The following COL28A1 variants were observed in gnomAD, a reference collection of about 807,000 sequenced individuals.
COL28A1 encodes collagen type XXVIII alpha 1 chain, also known as collagen alpha-1(XXVIII) chain.
In COL28A1, 161 loss-of-function variants were observed where a neutral mutation model predicts 150.2. The ratio of observed to expected loss-of-function variants is 1.07; its 90% confidence interval spans 0.94 to 1.22. COL28A1 has a LOEUF of 1.22. Ranked by LOEUF, COL28A1 falls within the 50% of genes most tolerant of loss-of-function variation. The pLI, the probability that COL28A1 is intolerant of heterozygous loss-of-function variation, is 0.00. For synonymous variants in COL28A1, 552 were observed against 469.7 expected (o/e 1.18, Z -2.26); for missense variants, 1,617 against 1,388.3 (o/e 1.16, Z -2.62).
At chr7:7,412,795 T>C (rs1445095796) in intron 27 of COL28A1, among the ~76,000 whole-genome samples, 1 of 152,136 alleles carries the variant, frequency 6.6e-6, no homozygotes, top group African/African-American at 2.4e-5. Context: ...AGACATTTTA[T>C]ACAATTTTTT....
At position 7,373,420 on chromosome 7, in the gene COL28A1, G is replaced by T; in HGVS notation, c.2486C>A (p.Ala829Asp). The stretch of plus-strand genomic sequence containing the variant: ...TATGCGGGCCGTGGCAAGGTCCAGA[G>T]CAACCCGGTCAGCCATAGTCTTCAC... ...NFVKTMADRV[A>D]LDLATARIGI... is the part of the protein sequence containing the mutation. The change falls in exon 32 of 35, where the codon GCT (alanine) becomes GAT (aspartate). Residue 829 changes from alanine (A) to aspartate (D), a missense_variant. By Grantham distance (126) the Ala-to-Asp change is moderately radical (BLOSUM62 -2). Coordinates refer to ENST00000399429, the MANE Select transcript of COL28A1 (RefSeq NM_001037763.3). This position sits in a 1 kb window ranked among gnomAD's most constrained non-coding sequence, Gnocchi z 4.1. The T allele has an allele frequency of 6.2e-7, 1 of 1,614,156 alleles. No homozygotes were observed. Among genetic ancestry groups the T allele is most frequent in the Non-Finnish European group, 8.5e-7 (1 of 1,180,042 alleles).
intron 27 of COL28A1, among the ~76,000 whole-genome samples, chr7:7,400,975 G>GGTGCGTGT (rs1554264683): frequency 1.7e-5 from 2 of 119,074 alleles, no homozygotes; most frequent in African/African-American, 6.7e-5. Flanking sequence ...TGGGTATTTG[G>GGTGCGTGT]GTGTGTGTGT....
intron 3 of COL28A1, among the ~76,000 whole-genome samples, chr7:7,524,992 G>C (rs1276584279): frequency 2.0e-5 from 3 of 152,062 alleles, no homozygotes; most frequent in African/African-American, 7.2e-5. Flanking sequence ...ACTGTTCATA[G>C]CAATATGCAT....
intron 27 of COL28A1, among the ~76,000 whole-genome samples, chr7:7,397,823 C>G (rs981937406): frequency 2.0e-5 from 3 of 152,164 alleles, no homozygotes; most frequent in Non-Finnish European, 2.9e-5. Flanking sequence ...GTCCACCCAC[C>G]AGCCAAACAG....
upstream of COL28A1, among the ~76,000 whole-genome samples, chr7:7,540,556 T>C (rs1001386820): frequency 6.6e-6 from 1 of 152,248 alleles, no homozygotes; most frequent in Non-Finnish European, 1.5e-5. Flanking sequence ...GACTAAAATT[T>C]AGGTCTTTGT....
chr7:7,376,112 C>T (rs1248839882), intron 30 of COL28A1, among the ~76,000 whole-genome samples: 1 of 152,034 alleles, frequency 6.6e-6, no homozygotes, highest in African/African-American at 2.4e-5. Flanking sequence ...ATCAGAAGGG[C>T]CTGAAATGAG....
chr7:7,543,543 T>G, the COL28A1 span, among the ~76,000 whole-genome samples: 1 of 152,168 alleles, frequency 6.6e-6, no homozygotes, highest in Non-Finnish European at 1.5e-5. Context: ...AAAGTCCTAC[T>G]ATGTCAGATT....
chr7:7,449,189 T>G (rs77665547), intron 18 of COL28A1, among the ~76,000 whole-genome samples: 3,930 of 152,130 alleles, frequency 0.026, 143 homozygotes, highest in African/African-American at 0.082. Flanking sequence ...AGTTGAATGA[T>G]CATCATAAAA....
intron 17 of COL28A1, 111 bp downstream of exon 17, chr7:7,453,329 C>A: frequency 1.3e-6 from 1 of 749,562 alleles, no homozygotes; most frequent in Non-Finnish European, 2.4e-6. Context: ...AAGTAGAGAT[C>A]TCTGATTTTT....
At chr7:7,366,486 T>A (rs558970094) in intron 33 of COL28A1, among the ~76,000 whole-genome samples, 3 of 152,170 alleles carry the variant, frequency 2.0e-5, no homozygotes, top group Non-Finnish European at 4.4e-5. Context: ...TCCTCTTCCA[T>A]AACACAGGTG....
chr7:7,404,243 C>T (rs1013264277), intron 27 of COL28A1, among the ~76,000 whole-genome samples: 1 of 152,034 alleles, frequency 6.6e-6, no homozygotes, highest in Non-Finnish European at 1.5e-5. Context: ...AGGAGACACT[C>T]CTACCCCTCA....
chr7:7,506,668 A>G (rs1780827617), intron 10 of COL28A1, among the ~76,000 whole-genome samples: 1 of 152,262 alleles, frequency 6.6e-6, no homozygotes, highest in Non-Finnish European at 1.5e-5. Flanking sequence ...GTCTAACTTA[A>G]ATGCCTTAGA....
intron 16 of COL28A1, among the ~76,000 whole-genome samples, chr7:7,455,816 C>A (rs1474854530): frequency 6.6e-6 from 1 of 152,222 alleles, no homozygotes; most frequent in African/African-American, 2.4e-5. Flanking sequence ...TTAAAAGTCA[C>A]AGCATCAAGA....
intron 11 of COL28A1, among the ~76,000 whole-genome samples, chr7:7,504,895 G>A (rs78526679): frequency 6.6e-6 from 1 of 152,092 alleles, no homozygotes; most frequent in Admixed American, 6.5e-5. Flanking sequence ...AAATTGTGTG[G>A]TCTGTCAAAA....
chr7:7,473,522 G>A (rs1255290769), intron 15 of COL28A1, among the ~76,000 whole-genome samples: 2 of 151,962 alleles, frequency 1.3e-5, no homozygotes, highest in African/African-American at 2.4e-5. Flanking sequence ...CCATAATCAA[G>A]AAATCAAAAA....
intron 33 of COL28A1, among the ~76,000 whole-genome samples, chr7:7,366,422 T>C (rs1780935453): frequency 1.3e-5 from 2 of 152,194 alleles, no homozygotes; most frequent in African/African-American, 4.8e-5. Context: ...GACTTCCAGG[T>C]CTAGAATATT....
chr7:7,528,392 T>C (rs907014004), intron 3 of COL28A1, among the ~76,000 whole-genome samples: 1 of 152,200 alleles, frequency 6.6e-6, no homozygotes, highest in Admixed American at 6.5e-5. Flanking sequence ...AGTCATTAAG[T>C]CTCTTTTGAG....
chr7:7,478,133 C>G (rs1165264055), intron 13 of COL28A1, among the ~76,000 whole-genome samples: 1 of 151,974 alleles, frequency 6.6e-6, no homozygotes. Flanking sequence ...CTCCAAGTCT[C>G]CACCACATTA....
chr7:7,419,067 G>C (rs78669955), intron 26 of COL28A1, among the ~76,000 whole-genome samples: 1,549 of 152,246 alleles, frequency 0.01, 14 homozygotes, highest in Middle Eastern at 0.024. Context: ...AATTTGTGGT[G>C]GGTGGTTCAT....
Sources: gnomAD v4.1 joint callset for allele counts (sites outside exome capture counted in the v4.1 genomes callset) on GRCh38, gnomAD v4.1.1 for gene constraint, Gnocchi (gnomAD v3.1) non-coding constraint, MANE v1.5 for transcripts, NCBI Gene and HGNC (gene_info 2026-07-23, HGNC 2026-07-21) for gene names.